CDH13: variants seen among roughly 807,000 people sequenced by gnomAD.
CDH13 encodes cadherin-13.
A neutral mutation model predicts 63.8 loss-of-function variants in CDH13; 24 were observed. The observed-to-expected ratio is 0.38, with a 90% confidence interval of 0.27 to 0.53. CDH13 has a LOEUF of 0.53. CDH13 is among the 20% of genes least tolerant of loss of function. The pLI is 0.85. For missense variants in CDH13, 1,049 were observed against 903.1 expected (o/e 1.16, Z -2.07); for synonymous variants, 503 against 355.3 (o/e 1.42, Z -4.67).
intron 5 of CDH13, among the ~76,000 whole-genome samples, chr16:83,259,881 G>A (rs1906751854): frequency 6.6e-6 from 1 of 151,932 alleles, no homozygotes; most frequent in African/African-American, 2.4e-5. Context: ...CTTCTTTGGG[G>A]GCCTAAAATC....
At chr16:83,220,652 C>T (rs1451028859) in intron 5 of CDH13, among the ~76,000 whole-genome samples, 2 of 51,050 alleles carry the variant, frequency 3.9e-5, no homozygotes, top group South Asian at 7.1e-4. Flanking sequence ...AAAAACAGAG[C>T]AAGAAAAAAA....
chr16:83,380,831 G>GTT (rs200970706), intron 6 of CDH13, among the ~76,000 whole-genome samples: 24 of 142,626 alleles, frequency 1.7e-4, no homozygotes, highest in African/African-American at 5.1e-4. Context: ...ATTACCCAAG[G>GTT]TTTTTTTTTT....
chr16:83,135,435 C>T (rs2036238766), intron 4 of CDH13, among the ~76,000 whole-genome samples: 1 of 152,138 alleles, frequency 6.6e-6, no homozygotes, highest in African/African-American at 2.4e-5. Flanking sequence ...ATATTATGTC[C>T]CCATTGTACA....
At chr16:82,956,916 G>C (rs1036278275) in intron 2 of CDH13, among the ~76,000 whole-genome samples, 2 of 152,212 alleles carry the variant, frequency 1.3e-5, no homozygotes, top group African/African-American at 4.8e-5. Flanking sequence ...GGTTCAGGCA[G>C]GAGCAGTTCT....
chr16:83,319,722 G>C (rs2090180909), intron 5 of CDH13, among the ~76,000 whole-genome samples: 1 of 152,154 alleles, frequency 6.6e-6, no homozygotes, highest in Admixed American at 6.5e-5. Flanking sequence ...AAAAAAATAT[G>C]CTGGGTGAGG....
intron 10 of CDH13, among the ~76,000 whole-genome samples, chr16:83,704,836 T>C (rs10514594): frequency 0.17 from 26,546 of 152,216 alleles, 2,614 homozygotes; most frequent in African/African-American, 0.28. Flanking sequence ...AGGAAAATAG[T>C]TTCAGCATGA....
intron 10 of CDH13, among the ~76,000 whole-genome samples, chr16:83,696,131 TCCAC>T (rs1905368732): frequency 6.6e-6 from 1 of 152,138 alleles, no homozygotes; most frequent in Admixed American, 6.5e-5. Flanking sequence ...GCTCAAGCAA[TCCAC>T]TCGCTTCTGC....
At chr16:83,014,099 A>G (rs1914434959) in intron 2 of CDH13, among the ~76,000 whole-genome samples, 1 of 142,604 alleles carries the variant, frequency 7.0e-6, no homozygotes, top group African/African-American at 2.4e-5. Context: ...AAGTAATGAC[A>G]AGTTGAACTC....
At chr16:83,233,681 T>G (rs1428227337) in intron 5 of CDH13, among the ~76,000 whole-genome samples, 1 of 152,168 alleles carries the variant, frequency 6.6e-6, no homozygotes, top group African/African-American at 2.4e-5. Flanking sequence ...CTGACATCTT[T>G]CCTATTCTCC....
chr16:82,777,434 C>A (rs2035549539), intron 1 of CDH13, among the ~76,000 whole-genome samples: 1 of 152,168 alleles, frequency 6.6e-6, no homozygotes, highest in Admixed American at 6.5e-5. Context: ...TGCTTAACTC[C>A]ACACTGTGGT....
At chr16:83,455,356 T>G (rs2072993973) in intron 6 of CDH13, among the ~76,000 whole-genome samples, 1 of 152,170 alleles carries the variant, frequency 6.6e-6, no homozygotes, top group African/African-American at 2.4e-5. Flanking sequence ...GCATCTAAAA[T>G]GCAGGGAGCC....
At chr16:83,240,717 CTTTTTTTTTTTTT>C (rs56753707) in intron 5 of CDH13, among the ~76,000 whole-genome samples, 1 of 81,658 alleles carries the variant, frequency 1.2e-5, no homozygotes, top group African/African-American at 5.6e-5. Flanking sequence ...CTGTCTTAAT[CTTTTTTTTTTTTT>C]TTTTTTTTTT....
At chr16:82,834,589 G>T (rs192950750) in intron 1 of CDH13, among the ~76,000 whole-genome samples, 3 of 148,712 alleles carry the variant, frequency 2.0e-5, no homozygotes, top group Non-Finnish European at 4.4e-5. Flanking sequence ...ACTGTGGGTC[G>T]AGTTATACTT....
intron 2 of CDH13, among the ~76,000 whole-genome samples, chr16:82,900,437 TACA>T (rs1471672372): frequency 6.6e-6 from 1 of 151,576 alleles, no homozygotes; most frequent in Non-Finnish European, 1.5e-5. Context: ...ACAGGGATGA[TACA>T]GACAAGACAG....
intron 2 of CDH13, among the ~76,000 whole-genome samples, chr16:82,992,505 A>G (rs1911770453): frequency 6.6e-6 from 1 of 152,178 alleles, no homozygotes; most frequent in Non-Finnish European, 1.5e-5. Context: ...TGGGGATAGA[A>G]TTCAGAACTT....
At chr16:83,774,978 A>C (rs1212500066) in intron 11 of CDH13, among the ~76,000 whole-genome samples, 2 of 149,658 alleles carry the variant, frequency 1.3e-5, no homozygotes, top group East Asian at 4.2e-4. Context: ...AGAACAGCTC[A>C]TAAGAAGGAA....
At chr16:82,812,294 A>G (rs961340452) in intron 1 of CDH13, among the ~76,000 whole-genome samples, 12 of 152,264 alleles carry the variant, frequency 7.9e-5, no homozygotes, top group Admixed American at 3.3e-4. Context: ...GAGGAGCACT[A>G]GGAAGTCATT....
chr16:83,650,036 A>G (rs1239479753), intron 8 of CDH13, among the ~76,000 whole-genome samples: 1 of 152,150 alleles, frequency 6.6e-6, no homozygotes, highest in Admixed American at 6.5e-5. Flanking sequence ...TAATTTTCTG[A>G]GGCCCATTGA....
intron 1 of CDH13, among the ~76,000 whole-genome samples, chr16:82,717,272 TA>T (rs1280473743): frequency 2.0e-5 from 3 of 151,874 alleles, no homozygotes; most frequent in East Asian, 3.9e-4. Flanking sequence ...CCATCTCTAC[TA>T]AAAATACAAA....
Sources: gnomAD v4.1 joint callset for allele counts (sites outside exome capture counted in the v4.1 genomes callset) on GRCh38, gnomAD v4.1.1 for gene constraint, MANE v1.5 for transcripts, NCBI Gene and HGNC (gene_info 2026-07-23, HGNC 2026-07-21) for gene names.